CACNB2: variants seen among roughly 807,000 people sequenced by gnomAD.
CACNB2 encodes voltage-dependent L-type calcium channel subunit beta-2.
In CACNB2, 42 loss-of-function variants were observed where a neutral mutation model predicts 73.3. The ratio of observed to expected loss-of-function variants is 0.57; its 90% CI spans 0.45 to 0.74. The LOEUF (loss-of-function observed/expected upper bound fraction) is 0.74. Ranked by LOEUF, CACNB2 falls within the 30% of genes least tolerant of loss-of-function variation. CACNB2 has a pLI of 0.00. For synonymous variants in CACNB2, 348 were observed against 310.3 expected (o/e 1.12, Z -1.28); for missense variants, 940 against 853.0 (o/e 1.10, Z -1.27).
intron 2 of CACNB2, among the ~76,000 whole-genome samples, chr10:18,195,695 T>C (rs543937535): frequency 5.9e-5 from 9 of 152,370 alleles, no homozygotes; most frequent in Non-Finnish European, 1.3e-4. Context: ...TCTTTGTCAC[T>C]GTGATACCTG....
At chr10:18,358,040 G>A (rs138635322) in intron 2 of CACNB2, among the ~76,000 whole-genome samples, 1 of 152,198 alleles carries the variant, frequency 6.6e-6, no homozygotes, top group African/African-American at 2.4e-5. Flanking sequence ...AAACGAATGA[G>A]TGAATGGAAA....
At chr10:18,344,081 A>G (rs2041347218) in intron 2 of CACNB2, among the ~76,000 whole-genome samples, 1 of 150,040 alleles carries the variant, frequency 6.7e-6, no homozygotes, top group Non-Finnish European at 1.5e-5. Context: ...AAAAAAAAAA[A>G]AAGAAAGTTA....
intron 3 of CACNB2, among the ~76,000 whole-genome samples, chr10:18,404,069 G>A (rs1053083433): frequency 4.6e-5 from 7 of 152,030 alleles, no homozygotes; most frequent in Non-Finnish European, 1.0e-4. Flanking sequence ...TTGCATGCCT[G>A]TATCAAACCA....
At chr10:18,524,640 G>T (rs571665987) in intron 9 of CACNB2, among the ~76,000 whole-genome samples, 216 of 130,996 alleles carry the variant, frequency 1.6e-3, no homozygotes, top group African/African-American at 6.3e-3. Flanking sequence ...GGGTGACAGA[G>T]CAAGACTCTA....
chr10:18,332,443 C>G (rs1262356764), intron 2 of CACNB2, among the ~76,000 whole-genome samples: 1 of 152,124 alleles, frequency 6.6e-6, no homozygotes, highest in Non-Finnish European at 1.5e-5. Flanking sequence ...ATTGGATATC[C>G]ATGCAGAGTC....
intron 2 of CACNB2, among the ~76,000 whole-genome samples, chr10:18,194,218 C>A (rs59641647): frequency 0.074 from 11,249 of 152,168 alleles, 1,320 homozygotes; most frequent in African/African-American, 0.25. Context: ...TCATCTGTCT[C>A]CTTCACTTTG....
At chr10:18,318,086 A>C (rs918970239) in intron 2 of CACNB2, among the ~76,000 whole-genome samples, 24 of 152,144 alleles carry the variant, frequency 1.6e-4, no homozygotes, top group Admixed American at 1.6e-3. Flanking sequence ...TTCCCATCAA[A>C]CTACCATTGA....
In CACNB2 at chr10:18,487,762, G is replaced by C. The variant is rs561606485; in HGVS notation, c.334-10593G>C. ...AGGCAGGGGAATCACTTGATCCTAC[G>C]AGGCAGAGGTTGCAGTGAGCCAAGA... On this transcript the variant is annotated intron_variant, in intron 3 of 13. Transcript: ENST00000324631. 1.1e-3 allele frequency among the ~76,000 whole-genome samples: 165 copies of C among 151,662 alleles called. 1 individual carries two copies. Among genetic ancestry groups the C allele is most frequent in the Non-Finnish European group, 1.9e-3 (128 of 67,968 alleles).
At position 18,534,155 on chromosome 10, in the gene CACNB2, T is replaced by C. The variant is rs1388696673; in HGVS notation, c.1134T>C (p.Ile378=). The change falls in exon 11 of 14, where the codon ATT becomes ATC. Residue 378 remains isoleucine, a synonymous_variant. Transcript: ENST00000324631. ...TGGTGGTCCTTGACGCGGATACAAT[T>C]AATCATCCAGCTCAACTCAGTAAAA... ...LQLVVLDADT[I]NHPAQLSKTS... is the part of the protein sequence containing the mutation. 4 of 1,613,782 alleles carry C rather than the reference T, an allele frequency of 2.5e-6. No homozygotes were observed. The East Asian group carries it at 8.9e-5, about 36-fold the overall frequency.
chr10:18,235,631 G>A (rs1451785811), intron 2 of CACNB2, among the ~76,000 whole-genome samples: 3 of 152,162 alleles, frequency 2.0e-5, no homozygotes, highest in Admixed American at 6.5e-5. Flanking sequence ...GTTCAGGCTC[G>A]GGGCTGCTGC....
chr10:18,162,015 AT>A (rs1195998971), intron 2 of CACNB2, among the ~76,000 whole-genome samples: 1 of 152,164 alleles, frequency 6.6e-6, no homozygotes, highest in Admixed American at 6.5e-5. Context: ...AGACACATGC[AT>A]TTGTACATAT....
In CACNB2 at chr10:18,372,699, G is replaced by C. The variant is rs1379195178; in HGVS notation, c.214-29225G>C. Among the ~76,000 whole-genome samples the C allele has an allele frequency of 2.0e-5, 3 of 152,008 alleles. No individual in the cohort carries two copies. In the East Asian group the frequency reaches 5.8e-4, roughly 30 times the overall value. On this transcript the variant is annotated intron_variant, in intron 2 of 13. Transcript: ENST00000324631. The stretch of plus-strand genomic sequence containing the variant: ...TGGGATTACAGATATGAGCCACTGT[G>C]CCTAGCGCTGTTTTCATATTTTTAA...
At chr10:18,400,516 T>G in intron 2 of CACNB2, 1 of 933,688 alleles carries the variant, frequency 1.1e-6, no homozygotes, top group Non-Finnish European at 1.3e-6. Context: ...AAAGGCGACA[T>G]ATGGAGCATG....
intron 2 of CACNB2, among the ~76,000 whole-genome samples, chr10:18,361,612 C>CTTTTT (rs56220879): frequency 8.0e-6 from 1 of 125,474 alleles, no homozygotes; most frequent in Non-Finnish European, 1.7e-5. Flanking sequence ...AGGTAAAATT[C>CTTTTT]TTTTTTTTTT....
At chr10:18,196,887 A>T (rs191213261) in intron 2 of CACNB2, among the ~76,000 whole-genome samples, 1 of 151,942 alleles carries the variant, frequency 6.6e-6, no homozygotes, top group East Asian at 1.9e-4. Flanking sequence ...GTCTTCCTGG[A>T]TTTTTCAGTG....
At chr10:18,366,357 C>G (rs986282960) in intron 2 of CACNB2, among the ~76,000 whole-genome samples, 4 of 150,898 alleles carry the variant, frequency 2.7e-5, no homozygotes, top group Non-Finnish European at 5.9e-5. Flanking sequence ...CCTAGCTCCT[C>G]AGGAGGCTGA....
intron 2 of CACNB2, among the ~76,000 whole-genome samples, chr10:18,166,226 TTAA>T (rs1168822246): frequency 2.6e-5 from 4 of 152,190 alleles, no homozygotes; most frequent in South Asian, 2.1e-4. Flanking sequence ...CCTGATTCAA[TTAA>T]TAATAATTCA....
intron 2 of CACNB2, among the ~76,000 whole-genome samples, chr10:18,371,091 G>A (rs2042561919): frequency 6.6e-6 from 1 of 152,120 alleles, no homozygotes; most frequent in African/African-American, 2.4e-5. Flanking sequence ...AGCCAGCAAT[G>A]TTTGAGTTCC....
Position 18,168,569 on chromosome 10 carries a change from T to C in CACNB2, c.213+17594T>C, listed in dbSNP as rs113524833. ...TTGTTTTATGGAGTAAGGAGCTAAA[T>C]TTTGAATATATGAAGCACCTCACAC... On this transcript the variant is annotated intron_variant, in intron 2 of 13. Transcript: ENST00000324631. 3.3e-5 allele frequency among the ~76,000 whole-genome samples: 5 copies of C among 152,136 alleles called. No individual in the cohort carries two copies. The South Asian group carries it at 1.0e-3, about 32-fold the overall frequency.
Sources: gnomAD v4.1 joint callset for allele counts (sites outside exome capture counted in the v4.1 genomes callset) on GRCh38, gnomAD v4.1.1 for gene constraint, MANE v1.5 for transcripts, NCBI Gene and HGNC (gene_info 2026-07-23, HGNC 2026-07-21) for gene names.